Variants in ANLN observed in about 807,000 individuals in gnomAD.
ANLN encodes the protein anillin, actin binding protein.
In ANLN, 59 loss-of-function variants were observed where a neutral mutation model predicts 135.1. The ratio of observed to expected loss-of-function variants is 0.44; its 90% CI spans 0.35 to 0.54. The LOEUF is 0.54. Among genes scored for constraint, ANLN ranks in the 20% least tolerant of loss-of-function variants. The pLI, the probability that ANLN is intolerant of heterozygous loss-of-function variation, is 0.00. For synonymous variants in ANLN, 406 were observed against 456.4 expected (o/e 0.89, Z 1.41); for missense variants, 1,182 against 1,340.0 (o/e 0.88, Z 1.84).
intron 20 of ANLN, among the ~76,000 whole-genome samples, chr7:36,435,309 C>T (rs1039567451): frequency 1.3e-5 from 2 of 151,570 alleles, no homozygotes; most frequent in Non-Finnish European, 2.9e-5. Context: ...ACCCTAGATT[C>T]GTTTTGCTTG....
At chr7:36,404,963 C>T (rs1787127588) in intron 3 of ANLN, among the ~76,000 whole-genome samples, 1 of 152,154 alleles carries the variant, frequency 6.6e-6, no homozygotes, top group South Asian at 2.1e-4. Flanking sequence ...TATTTTTAGA[C>T]AACAGTTGAC....
At chr7:36,405,919 AT>A (rs1296881809) in intron 3 of ANLN, among the ~76,000 whole-genome samples, 1 of 152,154 alleles carries the variant, frequency 6.6e-6, no homozygotes, top group Non-Finnish European at 1.5e-5. Context: ...TTCTAAAAAT[AT>A]AACCTATCTT....
rs3815485 is a variant in ANLN at position 36,427,060 on chromosome 7, T to G, written c.2883+32T>G. The G allele has an allele frequency of 0.27, 343,087 of 1,247,654 alleles. 42,450 individuals are homozygous for G. The highest frequency in any genetic ancestry group is 0.43 in the East Asian group (17,661 of 40,878). 77.3% of individuals were successfully genotyped at this position (1,247,654 alleles called of 1,614,324 possible). A position where few individuals can be genotyped will look rare whatever the true frequency, so the allele number is the denominator to read the frequency against. Reference sequence around the variant, plus strand: ...CAACTTTATTTCTAAGGGTGTGGTGTTTTTTTTTTAATCTTAGAAAAATTA... The same window carrying G: ...CAACTTTATTTCTAAGGGTGTGGTGGTTTTTTTTTAATCTTAGAAAAATTA... On this transcript the variant is annotated intron_variant, in intron 20 of 23. Transcript: ENST00000265748.
chr7:36,435,029 T>A (rs1038276377), intron 20 of ANLN, among the ~76,000 whole-genome samples: 2 of 152,144 alleles, frequency 1.3e-5, no homozygotes, highest in African/African-American at 4.8e-5. Flanking sequence ...ATTATTATGA[T>A]TGTGGTCAAG....
intron 20 of ANLN, among the ~76,000 whole-genome samples, chr7:36,427,276 T>G (rs1788122294): frequency 6.6e-6 from 1 of 152,096 alleles, no homozygotes; most frequent in Non-Finnish European, 1.5e-5. Flanking sequence ...GTATCACTTC[T>G]GACTAAAGAA....
chr7:36,437,739 G>A (rs1218715370), intron 20 of ANLN, among the ~76,000 whole-genome samples: 1 of 151,706 alleles, frequency 6.6e-6, no homozygotes, highest in Non-Finnish European at 1.5e-5. Context: ...TTACCTCTAT[G>A]TTTTCTTTCT....
chr7:36,397,926 G>C (rs1203022832), intron 2 of ANLN, among the ~76,000 whole-genome samples: 1 of 151,958 alleles, frequency 6.6e-6, no homozygotes, highest in Non-Finnish European at 1.5e-5. Context: ...AAGAAAAAAA[G>C]AGACATAAAA....
intron 2 of ANLN, among the ~76,000 whole-genome samples, chr7:36,398,546 T>C (rs1180389840): frequency 6.6e-6 from 1 of 152,206 alleles, no homozygotes; most frequent in Non-Finnish European, 1.5e-5. Flanking sequence ...GTATGCACTT[T>C]TTATTTACTA....
chr7:36,440,210 C>T (rs542383118), intron 21 of ANLN, among the ~76,000 whole-genome samples: 17 of 152,278 alleles, frequency 1.1e-4, no homozygotes, highest in African/African-American at 4.1e-4. Context: ...GGAAGCAGAG[C>T]CAACTCACTG....
chr7:36,398,534 G>T (rs1786801347), intron 2 of ANLN, among the ~76,000 whole-genome samples: 1 of 152,180 alleles, frequency 6.6e-6, no homozygotes, highest in African/African-American at 2.4e-5. Context: ...CTTATTCTGT[G>T]TGTATGCACT....
intron 20 of ANLN, among the ~76,000 whole-genome samples, chr7:36,435,770 G>A (rs935434935): frequency 4.0e-5 from 6 of 148,250 alleles, no homozygotes; most frequent in African/African-American, 1.2e-4. Context: ...CTACTCGGGA[G>A]GCTGAGGCAG....
chr7:36,391,946 T>C (rs1004021412), intron 1 of ANLN, among the ~76,000 whole-genome samples: 2 of 49,194 alleles, frequency 4.1e-5, no homozygotes, highest in East Asian at 3.9e-4. Context: ...TCTGGCACTC[T>C]TTTTTTTTTT....
At chr7:36,435,872 C>CAAAAAAAAA (rs57379889) in intron 20 of ANLN, among the ~76,000 whole-genome samples, 1 of 52,244 alleles carries the variant, frequency 1.9e-5, no homozygotes, top group African/African-American at 8.7e-5. Context: ...GACTCCGTCT[C>CAAAAAAAAA]AAAAAAAAAA....
At chr7:36,407,527 A>T (rs1400310299) in intron 4 of ANLN, among the ~76,000 whole-genome samples, 1 of 152,158 alleles carries the variant, frequency 6.6e-6, no homozygotes, top group African/African-American at 2.4e-5. Flanking sequence ...ACTAACCCAC[A>T]TATTATGATT....
At chr7:36,438,614 C>G (rs911300554) in intron 20 of ANLN, among the ~76,000 whole-genome samples, 6 of 152,170 alleles carry the variant, frequency 3.9e-5, no homozygotes, top group African/African-American at 1.2e-4. Context: ...TCGAGTGATC[C>G]TCACTCCTTG....
At chr7:36,421,828 AT>A (rs1323082729) in intron 12 of ANLN, 28 bp from the exon 13 acceptor site, 2 of 1,569,604 alleles carry the variant, frequency 1.3e-6, no homozygotes, top group Non-Finnish European at 1.7e-6. Flanking sequence ...AAATGTGTAT[AT>A]TTTTTCTCCT....
At chr7:36,427,209 T>G (rs1788119119) in intron 20 of ANLN, among the ~76,000 whole-genome samples, 181 bp downstream of exon 20, 1 of 151,844 alleles carries the variant, frequency 6.6e-6, no homozygotes, top group Admixed American at 6.6e-5. Flanking sequence ...TTTTTTGTCT[T>G]GGAAGTATGT....
chr7:36,430,785 A>G (rs962763422), intron 20 of ANLN, among the ~76,000 whole-genome samples: 1 of 152,152 alleles, frequency 6.6e-6, no homozygotes, highest in Non-Finnish European at 1.5e-5. Context: ...CCCAGCATAT[A>G]ACACATTACA....
chr7:36,435,760 C>T (rs1214045464), intron 20 of ANLN, among the ~76,000 whole-genome samples: 1 of 149,108 alleles, frequency 6.7e-6, no homozygotes, highest in African/African-American at 2.5e-5. Flanking sequence ...GTAGTCCCAG[C>T]TACTCGGGAG....
Sources: gnomAD v4.1 joint callset for allele counts (sites outside exome capture counted in the v4.1 genomes callset) on GRCh38, gnomAD v4.1.1 for gene constraint, MANE v1.5 for transcripts, NCBI Gene and HGNC (gene_info 2026-07-23, HGNC 2026-07-21) for gene names.